Variants in CRPPA observed in about 807,000 individuals in gnomAD.
CRPPA encodes the protein CDP-L-ribitol pyrophosphorylase A.
CRPPA carries 43 observed loss-of-function variants against 52.0 expected under a neutral mutation model. The ratio of observed to expected loss-of-function variants is 0.83; its 90% CI spans 0.65 to 1.07. The LOEUF (loss-of-function observed/expected upper bound fraction) is 1.07, where lower values mean the gene tolerates loss of function less well. Among genes scored for constraint, CRPPA ranks in the 50% least tolerant of loss-of-function variants. The pLI is 0.00. For missense variants in CRPPA, 629 were observed against 551.7 expected, an observed-to-expected ratio of 1.14 and a Z score of -1.40; for synonymous variants, 250 against 203.5, an observed-to-expected ratio of 1.23 and a Z score of -1.94.
chr7:16,373,298 G>GAA (rs986360327), intron 3 of CRPPA, among the ~76,000 whole-genome samples: 1 of 148,090 alleles, frequency 6.8e-6, no homozygotes, highest in Non-Finnish European at 1.5e-5. Flanking sequence ...CTCCATCTCA[G>GAA]AAAAAAAAAA....
chr7:16,110,153 A>G (rs1272506367), intron 9 of CRPPA, among the ~76,000 whole-genome samples: 2 of 152,122 alleles, frequency 1.3e-5, no homozygotes, highest in Admixed American at 6.6e-5. Flanking sequence ...AAACCTGTGA[A>G]AAGGAAATCA....
chr7:16,289,958 A>C (rs1222543756), intron 5 of CRPPA, among the ~76,000 whole-genome samples: 1 of 152,186 alleles, frequency 6.6e-6, no homozygotes, highest in South Asian at 2.1e-4. Context: ...CTTAGAATTG[A>C]TATTTAGTAA....
intron 9 of CRPPA, among the ~76,000 whole-genome samples, chr7:16,121,925 C>T (rs1186699456): frequency 6.6e-6 from 1 of 152,028 alleles, no homozygotes; most frequent in Non-Finnish European, 1.5e-5. Flanking sequence ...GCTTTCTCTG[C>T]CGACATGTTT....
In CRPPA at chr7:16,308,568, A is replaced by G. The variant is rs756969423; in HGVS notation, c.744T>C (p.Cys248=). ...CTTCTACAAGTTTGGCTTTAGTGCA[A>G]CAGTATTTTAGGGCCAATTGCAAAC... is the stretch of plus-strand genomic sequence containing the variant. The part of the protein sequence containing the change: ...TECLQLALKY[C]CTKAKLVEGS... Residue 248 remains cysteine (C), a synonymous_variant, in exon 4 of 10, where the codon TGT becomes TGC. Transcript: ENST00000407010. The G allele has an allele frequency of 6.2e-7, 1 of 1,611,566 alleles. No individual in the cohort carries two copies. The highest frequency in any genetic ancestry group is 1.1e-5 in the South Asian group (1 of 90,258).
intron 3 of CRPPA, among the ~76,000 whole-genome samples, chr7:16,337,328 CAT>C (rs1292047750): frequency 1.3e-5 from 2 of 151,982 alleles, no homozygotes. Flanking sequence ...AAAACCTAGA[CAT>C]ATGTGGAAAT....
intron 9 of CRPPA, among the ~76,000 whole-genome samples, chr7:16,150,083 C>T (rs1319798073): frequency 4.6e-5 from 7 of 151,604 alleles, no homozygotes; most frequent in East Asian, 1.9e-4. Context: ...ATGTGTACAA[C>T]GAAACTGGTA....
intron 2 of CRPPA, among the ~76,000 whole-genome samples, chr7:16,397,449 A>C (rs73682122): frequency 3.9e-5 from 6 of 152,218 alleles, no homozygotes; most frequent in African/African-American, 7.2e-5. Context: ...GATGTAACAG[A>C]CGTGACACGT....
intron 9 of CRPPA, among the ~76,000 whole-genome samples, chr7:16,154,391 G>C (rs1047192222): frequency 6.6e-6 from 1 of 151,910 alleles, no homozygotes; most frequent in African/African-American, 2.4e-5. Flanking sequence ...TCCCCTCTCT[G>C]TGTCCATGTG....
At chr7:16,154,463 C>G (rs1209198982) in intron 9 of CRPPA, among the ~76,000 whole-genome samples, 1 of 151,958 alleles carries the variant, frequency 6.6e-6, no homozygotes, top group Non-Finnish European at 1.5e-5. Context: ...CTTGATTTCC[C>G]TCATGAATTA....
intron 8 of CRPPA, among the ~76,000 whole-genome samples, chr7:16,226,095 T>A (rs1439215479): frequency 6.6e-6 from 1 of 151,970 alleles, no homozygotes; most frequent in Admixed American, 6.6e-5. Context: ...ATTAAAAGTC[T>A]TGGTAATTAG....
intron 2 of CRPPA, among the ~76,000 whole-genome samples, chr7:16,377,740 G>C (rs376463094): frequency 6.6e-6 from 1 of 152,144 alleles, no homozygotes; most frequent in Non-Finnish European, 1.5e-5. Flanking sequence ...ACTCAGAGTA[G>C]GTATGGCTAA....
chr7:16,383,043 G>A (rs547638825), intron 2 of CRPPA, among the ~76,000 whole-genome samples: 14 of 152,300 alleles, frequency 9.2e-5, no homozygotes, highest in South Asian at 2.1e-4. Flanking sequence ...GAGGAACTGC[G>A]TTCCTTTGGA....
chr7:16,195,992 G>A (rs1482133909), intron 9 of CRPPA, among the ~76,000 whole-genome samples: 2 of 152,116 alleles, frequency 1.3e-5, no homozygotes, highest in East Asian at 3.8e-4. Flanking sequence ...GAGATTAATA[G>A]AAACAAGTTT....
intron 2 of CRPPA, among the ~76,000 whole-genome samples, chr7:16,399,576 T>C (rs1787736941): frequency 6.6e-6 from 1 of 151,368 alleles, no homozygotes; most frequent in African/African-American, 2.4e-5. Flanking sequence ...GTTTGTGACA[T>C]GTGACAAGCG....
At chr7:16,119,264 C>T (rs1380410804) in intron 9 of CRPPA, among the ~76,000 whole-genome samples, 1 of 151,970 alleles carries the variant, frequency 6.6e-6, no homozygotes, top group Non-Finnish European at 1.5e-5. Flanking sequence ...GGGTCCTTTG[C>T]CCAGCCCTGG....
chr7:16,271,447 A>C (rs73060589), intron 6 of CRPPA, among the ~76,000 whole-genome samples: 45 of 152,242 alleles, frequency 3.0e-4, no homozygotes, highest in Non-Finnish European at 5.4e-4. Context: ...TATAAATGAT[A>C]ATAGTAGCAA....
intron 9 of CRPPA, among the ~76,000 whole-genome samples, chr7:16,139,301 G>A (rs1782822027): frequency 6.6e-6 from 1 of 152,120 alleles, no homozygotes; most frequent in Non-Finnish European, 1.5e-5. Flanking sequence ...CACAGCAGAG[G>A]TAACAAAACT....
intron 8 of CRPPA, among the ~76,000 whole-genome samples, chr7:16,223,786 T>TA (rs1782580979): frequency 6.6e-6 from 1 of 152,178 alleles, no homozygotes; most frequent in Admixed American, 6.5e-5. Flanking sequence ...AAAATAAACT[T>TA]ACAGCCTGGA....
chr7:16,244,735 A>G (rs1057174332), intron 8 of CRPPA, among the ~76,000 whole-genome samples: 13 of 152,150 alleles, frequency 8.5e-5, no homozygotes, highest in South Asian at 2.1e-4. Context: ...AATAGCCACA[A>G]TTTTACTTGG....
Sources: allele counts gnomAD v4.1 joint callset (sites outside exome capture counted in the v4.1 genomes callset), GRCh38; gene constraint gnomAD v4.1.1; transcripts MANE v1.5; gene names NCBI Gene and HGNC (gene_info 2026-07-23, HGNC 2026-07-21).